LRRC20: variants seen among roughly 807,000 people sequenced by gnomAD.
LRRC20 encodes leucine rich repeat containing 20, also known as leucine-rich repeat-containing protein 20.
In LRRC20, 11 loss-of-function variants were observed where a neutral mutation model predicts 14.4. The observed-to-expected ratio is 0.77, with a 90% CI of 0.48 to 1.27. The LOEUF is 1.27. LRRC20 is among the 50% of genes most tolerant of loss of function. LRRC20 has a pLI of 0.00. For synonymous variants in LRRC20, 121 were observed against 107.3 expected, an observed-to-expected ratio of 1.13 and a Z score of -0.79; for missense variants, 219 against 251.2, an observed-to-expected ratio of 0.87 and a Z score of 0.87.
intron 4 of LRRC20, among the ~76,000 whole-genome samples, chr10:70,311,358 A>G (rs1225276341): frequency 6.7e-6 from 1 of 149,922 alleles, no homozygotes; most frequent in African/African-American, 2.5e-5. Context: ...CCTCCCTGGG[A>G]TTACAGGTGC....
intron 3 of LRRC20, among the ~76,000 whole-genome samples, chr10:70,332,735 T>C (rs1293862056): frequency 6.6e-6 from 1 of 152,256 alleles, no homozygotes; most frequent in Admixed American, 6.5e-5. Context: ...CAACAGTACC[T>C]ACCCTTGGTG....
At chr10:70,342,527 G>T (rs1003419854) in intron 2 of LRRC20, among the ~76,000 whole-genome samples, 1 of 152,246 alleles carries the variant, frequency 6.6e-6, no homozygotes, top group African/African-American at 2.4e-5. Flanking sequence ...AAATTAGTCT[G>T]TCCAGTTCAT....
chr10:70,375,468 T>G (rs1041733298), intron 2 of LRRC20, among the ~76,000 whole-genome samples: 2 of 35,374 alleles, frequency 5.7e-5, no homozygotes. Flanking sequence ...GTCTCTCCAC[T>G]TCCTGGACCA....
intron 2 of LRRC20, among the ~76,000 whole-genome samples, chr10:70,371,058 G>A (rs1358852672): frequency 6.6e-6 from 1 of 151,628 alleles, no homozygotes; most frequent in Non-Finnish European, 1.5e-5. Context: ...GCATAAGAAA[G>A]AAATAAGATT....
At chr10:70,362,360 A>G (rs1258431896) in intron 2 of LRRC20, among the ~76,000 whole-genome samples, 1 of 152,260 alleles carries the variant, frequency 6.6e-6, no homozygotes, top group Non-Finnish European at 1.5e-5. Context: ...GGAAGCCCCA[A>G]GCTACTCAAA....
chr10:70,312,847 AC>A (rs769041159), intron 4 of LRRC20, among the ~76,000 whole-genome samples: 2 of 152,124 alleles, frequency 1.3e-5, no homozygotes, highest in Non-Finnish European at 2.9e-5. Flanking sequence ...TATGGCGGGC[AC>A]CCCCATCAAT....
chr10:70,322,887 G>A (rs369973207), intron 4 of LRRC20, among the ~76,000 whole-genome samples: 3 of 151,854 alleles, frequency 2.0e-5, no homozygotes, highest in Admixed American at 6.5e-5. Flanking sequence ...CTGTGGCACC[G>A]CTGACAGATG....
chr10:70,366,106 G>A (rs1171074999), intron 2 of LRRC20, among the ~76,000 whole-genome samples: 1 of 149,488 alleles, frequency 6.7e-6, no homozygotes, highest in Non-Finnish European at 1.5e-5. Flanking sequence ...AAAACGAATG[G>A]ATAGCCAACA....
At chr10:70,350,212 G>A (rs578108021) in intron 2 of LRRC20, among the ~76,000 whole-genome samples, 7 of 152,354 alleles carry the variant, frequency 4.6e-5, no homozygotes, top group Non-Finnish European at 7.3e-5. Context: ...GCACCATGTA[G>A]ACAGCAGCTA....
intron 4 of LRRC20, among the ~76,000 whole-genome samples, chr10:70,317,299 G>GGCTTCT (rs78933023): frequency 0.14 from 21,664 of 151,912 alleles, 1,634 homozygotes; most frequent in Middle Eastern, 0.31. Context: ...AGGGAGCCCT[G>GGCTTCT]GCTTCTGCTT....
chr10:70,334,845 C>T (rs1220414546), intron 3 of LRRC20, among the ~76,000 whole-genome samples: 2 of 152,206 alleles, frequency 1.3e-5, no homozygotes, highest in African/African-American at 4.8e-5. Flanking sequence ...AAAGATAAAG[C>T]CTGGTGCCTC....
At chr10:70,335,029 C>T (rs1007535540) in intron 3 of LRRC20, among the ~76,000 whole-genome samples, 2 of 152,170 alleles carry the variant, frequency 1.3e-5, no homozygotes, top group Admixed American at 1.3e-4. Flanking sequence ...CCTGTGGGCT[C>T]ACCCTGGGCA....
intron 3 of LRRC20, among the ~76,000 whole-genome samples, chr10:70,333,081 G>A (rs536265776): frequency 5.3e-5 from 8 of 152,358 alleles, no homozygotes; most frequent in South Asian, 2.1e-4. Flanking sequence ...CATCTGAATC[G>A]CAGAGCTGGG....
chr10:70,302,272 C>G (rs1021336356), intron 4 of LRRC20, among the ~76,000 whole-genome samples: 1 of 151,912 alleles, frequency 6.6e-6, no homozygotes, highest in Non-Finnish European at 1.5e-5. Context: ...GAAATCGCAC[C>G]ACTGCACTCC....
intron 4 of LRRC20, among the ~76,000 whole-genome samples, chr10:70,317,286 A>G (rs1041670772): frequency 6.6e-6 from 1 of 151,078 alleles, no homozygotes; most frequent in African/African-American, 2.4e-5. Flanking sequence ...AAGGAGGTGT[A>G]AGAGGGAGCC....
At chr10:70,381,835 C>G (rs1844718470) in intron 1 of LRRC20, 1 of 152,372 alleles carries the variant, frequency 6.6e-6, no homozygotes, top group South Asian at 2.1e-4. Flanking sequence ...CTGCTGGCGC[C>G]TTGTTTTTGT....
chr10:70,323,273 CA>C (rs1842167100), intron 4 of LRRC20, among the ~76,000 whole-genome samples: 1 of 152,086 alleles, frequency 6.6e-6, no homozygotes, highest in Non-Finnish European at 1.5e-5. Flanking sequence ...ATAATCGCTG[CA>C]AGAGGAAGGA....
chr10:70,311,799 G>A (rs1841677898), intron 4 of LRRC20, among the ~76,000 whole-genome samples: 1 of 152,174 alleles, frequency 6.6e-6, no homozygotes, highest in East Asian at 1.9e-4. Flanking sequence ...TGCACTGGCT[G>A]GCCCTCCTCC....
intron 2 of LRRC20, among the ~76,000 whole-genome samples, chr10:70,341,481 GAAGTGGCCAGGC>G (rs1323682163): frequency 6.6e-6 from 1 of 152,190 alleles, no homozygotes; most frequent in Non-Finnish European, 1.5e-5. Flanking sequence ...AAAAAGAAAT[GAAGTGGCCAGGC>G]GTGGTGGCTC....
Sources: allele counts gnomAD v4.1 joint callset (sites outside exome capture counted in the v4.1 genomes callset), GRCh38; gene constraint gnomAD v4.1.1; transcripts MANE v1.5; gene names NCBI Gene and HGNC (gene_info 2026-07-23, HGNC 2026-07-21).